Variants in FHAD1 observed in about 807,000 individuals in gnomAD.
The protein encoded by FHAD1 is forkhead-associated domain-containing protein 1.
Under a neutral mutation model 191.3 loss-of-function variants are expected in FHAD1, and 146 were observed. That is an observed-to-expected ratio of 0.76 (90% CI 0.67 to 0.88). The LOEUF (loss-of-function observed/expected upper bound fraction) is 0.88, where lower values mean the gene tolerates loss of function less well. FHAD1 is among the 40% of genes least tolerant of loss of function. The pLI is 0.00. For synonymous variants in FHAD1, 616 were observed against 672.3 expected, an observed-to-expected ratio of 0.92 and a Z score of 1.29; for missense variants, 1,635 against 1,785.8, an observed-to-expected ratio of 0.92 and a Z score of 1.52.
At position 15,360,611 on chromosome 1, in the gene FHAD1, C is replaced by A. The variant is rs1163170465; in HGVS notation, c.2870C>A (p.Thr957Lys). ...GAGCAAATCAAACAGCACGCCCAGA[C>A]AATTGTGAGCCTCGAAGAGAAACTC... Reference protein sequence around the residue: ...YKEQIKQHAQTIVSLEEKLQK... With the variant: ...YKEQIKQHAQKIVSLEEKLQK... The change falls in exon 22 of 34, where the codon ACA becomes AAA. Residue 957 changes from threonine (T) to lysine (K), a missense_variant. Thr to Lys is a moderately conservative substitution (Grantham distance 78). Coordinates refer to ENST00000688493, the MANE Select transcript of FHAD1 (RefSeq NM_001391957.1). 1.3e-6 allele frequency: 2 copies of A among 1,552,080 alleles called. No homozygotes were observed. Among genetic ancestry groups the A allele is most frequent in the Non-Finnish European group, 8.7e-7 (1 of 1,147,086 alleles).
At chr1:15,293,578 T>C (rs565189437) in intron 4 of FHAD1, among the ~76,000 whole-genome samples, 182 of 152,082 alleles carry the variant, frequency 1.2e-3, no homozygotes, top group African/African-American at 2.7e-3. Context: ...ATTAGCTGGG[T>C]GTGGTGGCAC....
intron 20 of FHAD1, among the ~76,000 whole-genome samples, chr1:15,354,171 A>G (rs372684273): frequency 6.6e-6 from 1 of 152,324 alleles, no homozygotes; most frequent in South Asian, 2.1e-4. Flanking sequence ...ATTAGCATGC[A>G]TTTGAATCTC....
In FHAD1 at chr1:15,316,260, G is replaced by A; in HGVS notation, c.1171-118G>A. The A allele has an allele frequency of 1.3e-6, 1 of 775,860 alleles. No individual in the cohort carries two copies. The highest frequency in any genetic ancestry group is 2.1e-6 in the Non-Finnish European group (1 of 469,682). 48.1% of individuals were successfully genotyped at this position (775,860 alleles called of 1,614,324 possible). ...CTTTTGGGATCTCAGTGCGTGACTG[G>A]ATGGAAACAGCAGGAAATGCTCTCA... On this transcript the variant is annotated intron_variant, in intron 8 of 33. Coordinates refer to ENST00000688493, the MANE Select transcript of FHAD1 (RefSeq NM_001391957.1). The surrounding 1 kb of genome is among the most constrained non-coding windows in gnomAD (Gnocchi z 4.3).
chr1:15,256,730 G>T (rs1553225188), intron 2 of FHAD1, among the ~76,000 whole-genome samples: 1 of 150,558 alleles, frequency 6.6e-6, no homozygotes, highest in Non-Finnish European at 1.5e-5. Context: ...ACACCGAGGA[G>T]ATTTCAGGAT....
intron 20 of FHAD1, 149 bp downstream of exon 20, chr1:15,353,133 T>G: frequency 1.6e-6 from 1 of 625,254 alleles, no homozygotes; most frequent in South Asian, 2.0e-5. Context: ...TGCCTTAGTT[T>G]CCCCACTTAT....
At chr1:15,263,939 A>G (rs900012218) in intron 2 of FHAD1, among the ~76,000 whole-genome samples, 3 of 152,224 alleles carry the variant, frequency 2.0e-5, no homozygotes, top group African/African-American at 4.8e-5. Context: ...TCATTTGACC[A>G]TATATGCAAA....
At chr1:15,322,658 A>G (rs1376174639) in intron 10 of FHAD1, among the ~76,000 whole-genome samples, 3 of 152,244 alleles carry the variant, frequency 2.0e-5, no homozygotes. Context: ...TGTCCACCCT[A>G]TTTGACAGTA....
chr1:15,237,617 C>T (rs1644920628), intron 1 of FHAD1, among the ~76,000 whole-genome samples: 1 of 152,138 alleles, frequency 6.6e-6, no homozygotes, highest in Non-Finnish European at 1.5e-5. Flanking sequence ...CCCCTTGTTT[C>T]TTGACAACGA....
At position 15,312,908 on chromosome 1, in the gene FHAD1, G is replaced by A; in HGVS notation, c.1040-149G>A. The A allele has an allele frequency of 2.4e-6, 2 of 848,852 alleles. No individual in the cohort carries two copies. The highest frequency in any genetic ancestry group is 1.8e-6 in the Non-Finnish European group (1 of 547,652). The allele number at this position is 848,852 out of a possible 1,614,324, so 52.6% of individuals were successfully genotyped here. On this transcript the variant is annotated intron_variant, in intron 7 of 33. Coordinates refer to ENST00000688493, the MANE Select transcript of FHAD1 (RefSeq NM_001391957.1). The surrounding 1 kb of genome is among the most constrained non-coding windows in gnomAD (Gnocchi z 4.7). ...GACCTTGAACAAATGATGTGCAGTG[G>A]ATATTGGTCTCAACCCCATTCAAGC...
At chr1:15,241,684 A>AAAG (rs1645392141) in intron 1 of FHAD1, among the ~76,000 whole-genome samples, 3 of 150,764 alleles carry the variant, frequency 2.0e-5, no homozygotes, top group Non-Finnish European at 4.4e-5. Flanking sequence ...CAAACAAAAA[A>AAAG]AACCCAGAAC....
chr1:15,262,642 A>G (rs1318879626), intron 2 of FHAD1, among the ~76,000 whole-genome samples: 1 of 152,208 alleles, frequency 6.6e-6, no homozygotes, highest in Non-Finnish European at 1.5e-5. Context: ...CCTTTCTTTT[A>G]AAAGCTAAAT....
At chr1:15,266,368 G>A (rs1342925551) in intron 2 of FHAD1, among the ~76,000 whole-genome samples, 1 of 151,042 alleles carries the variant, frequency 6.6e-6, no homozygotes, top group African/African-American at 2.4e-5. Context: ...GCCCCTCAAA[G>A]TGCTGGCATT....
intron 21 of FHAD1, among the ~76,000 whole-genome samples, chr1:15,358,868 G>A (rs768688587): frequency 1.3e-5 from 2 of 152,196 alleles, no homozygotes; most frequent in Non-Finnish European, 2.9e-5. Flanking sequence ...AATTTCACGA[G>A]GGTGTGGCGT....
At chr1:15,237,636 C>G (rs1318201761) in intron 1 of FHAD1, among the ~76,000 whole-genome samples, 1 of 152,176 alleles carries the variant, frequency 6.6e-6, no homozygotes, top group Non-Finnish European at 1.5e-5. Context: ...GATTCAAATT[C>G]AGAGCCAGAT....
intron 6 of FHAD1, among the ~76,000 whole-genome samples, chr1:15,305,984 G>C (rs1235405111): frequency 1.3e-5 from 2 of 152,200 alleles, no homozygotes; most frequent in Non-Finnish European, 2.9e-5. Flanking sequence ...GGCAGAAGTT[G>C]GAACAGTTTG....
intron 4 of FHAD1, among the ~76,000 whole-genome samples, chr1:15,294,425 A>G (rs1459324828): frequency 6.6e-6 from 1 of 151,876 alleles, no homozygotes; most frequent in Non-Finnish European, 1.5e-5. Flanking sequence ...ACAGAGGCTC[A>G]CTCTGTAACC....
chr1:15,382,858 G>C (rs1204882970), intron 31 of FHAD1, among the ~76,000 whole-genome samples: 2 of 152,212 alleles, frequency 1.3e-5, no homozygotes, highest in Non-Finnish European at 2.9e-5. Context: ...ATGAGAGGGT[G>C]GACATTCCCG....
At chr1:15,273,754 G>T (rs148535451) in intron 3 of FHAD1, among the ~76,000 whole-genome samples, 385 of 152,210 alleles carry the variant, frequency 2.5e-3, no homozygotes, top group African/African-American at 8.8e-3. Context: ...GAAATTCACC[G>T]TATTCACCGT....
rs114420991 is a variant in FHAD1, at chr1:15,331,560, G to A, written c.1906+2019G>A. 8.5e-3 allele frequency among the ~76,000 whole-genome samples: 1,168 copies of A among 137,018 alleles called. 31 individuals carry two copies. Among genetic ancestry groups the A allele is most frequent in the African/African-American group, 0.029 (1,066 of 36,826 alleles). 89.9% of individuals were successfully genotyped at this position (137,018 alleles called of 152,430 possible). ...GATGGATGGAAGTGTGGGTGGGTGG[G>A]TGGATGGATGGGAGGAAGGGTGGGT... is the stretch of plus-strand genomic sequence containing the variant. On this transcript the variant is annotated intron_variant, in intron 14 of 33. Transcript: ENST00000688493.
Sources: gnomAD v4.1 joint callset for allele counts (sites outside exome capture counted in the v4.1 genomes callset) on GRCh38, gnomAD v4.1.1 for gene constraint, Gnocchi (gnomAD v3.1) non-coding constraint, MANE v1.5 for transcripts, NCBI Gene and HGNC (gene_info 2026-07-23, HGNC 2026-07-21) for gene names.